REXO5: variants seen among roughly 807,000 people sequenced by gnomAD.
REXO5 encodes the protein RNA exonuclease 5.
Under a neutral mutation model 88.5 loss-of-function variants are expected in REXO5, and 48 were observed. The observed-to-expected ratio is 0.54, with a 90% CI of 0.43 to 0.69. The LOEUF is 0.69. Among genes scored for constraint, REXO5 ranks in the 30% least tolerant of loss-of-function variants. REXO5 has a pLI of 0.00. For missense variants in REXO5, 749 were observed against 912.2 expected, an observed-to-expected ratio of 0.82 and a Z score of 2.30; for synonymous variants, 311 against 336.5, an observed-to-expected ratio of 0.92 and a Z score of 0.83.
At chr16:20,846,538 C>T (rs145096092) in intron 19 of REXO5, among the ~76,000 whole-genome samples, 199 bp downstream of exon 19, 112 of 152,294 alleles carry the variant, frequency 7.4e-4, no homozygotes, top group African/African-American at 2.4e-3. Context: ...ATTTATTGGT[C>T]CCTCAAGGAG....
chr16:20,824,536 T>C lies in REXO5; in HGVS notation c.705+9T>C. 1 of 1,560,090 alleles carries C rather than the reference T, an allele frequency of 6.4e-7. No homozygotes were observed. Among genetic ancestry groups the C allele is most frequent in the Non-Finnish European group, 8.8e-7 (1 of 1,132,038 alleles). On this transcript the variant is annotated intron_variant, in intron 7 of 19. Coordinates refer to ENST00000261377, the MANE Select transcript of REXO5 (RefSeq NM_030941.3). ...GACTTGACTGTGAAATGGCACGTAC[T>C]ACTTTTAATTTTTCAATTGGAGTGT...
At chr16:20,809,111 T>C (rs1320272384) in intron 2 of REXO5, among the ~76,000 whole-genome samples, 1 of 152,170 alleles carries the variant, frequency 6.6e-6, no homozygotes, top group Non-Finnish European at 1.5e-5. Context: ...GTGGTTAGTG[T>C]AAGGAGATTG....
chr16:20,820,216 T>G (rs1364020818), intron 5 of REXO5, among the ~76,000 whole-genome samples: 1 of 152,162 alleles, frequency 6.6e-6, no homozygotes, highest in Non-Finnish European at 1.5e-5. Flanking sequence ...TATGCTCATC[T>G]CTTGCACAGA....
intron 14 of REXO5, 195 bp downstream of exon 14, chr16:20,840,054 TC>T (rs1473089606): frequency 1.8e-6 from 1 of 555,540 alleles, no homozygotes; most frequent in African/African-American, 1.9e-5. Context: ...CTTTATTTTT[TC>T]ATTTAACAGT....
chr16:20,834,135 A>G (rs1180638258), intron 13 of REXO5, among the ~76,000 whole-genome samples: 1 of 152,088 alleles, frequency 6.6e-6, no homozygotes, highest in Non-Finnish European at 1.5e-5. Context: ...GTGTTTGCTC[A>G]TGATTAAATT....
chr16:20,806,553 G>A lies in REXO5; in HGVS notation c.-155G>A. On this transcript the variant is annotated 5_prime_UTR_variant, in exon 1 of 20. Transcript: ENST00000261377. ...TTGTTGGCAGCTGTGGCTAAGGAGG[G>A]GAGAACCTCTGCTCCCCGCCCGTCT... 1.3e-6 allele frequency: 2 copies of A among 1,507,548 alleles called. No individual in the cohort carries two copies. The highest frequency in any genetic ancestry group is 1.8e-6 in the Non-Finnish European group (2 of 1,128,578). 93.4% of individuals were successfully genotyped at this position (1,507,548 alleles called of 1,614,324 possible). A position where few individuals can be genotyped will look rare whatever the true frequency, so the allele number is the denominator to read the frequency against.
At position 20,843,944 on chromosome 16, in the gene REXO5, G is replaced by T. The variant is rs1238053415; in HGVS notation, c.1637G>T (p.Cys546Phe). The change falls in exon 16 of 20, where the codon TGT becomes TTT. Residue 546 changes from cysteine to phenylalanine, a missense_variant. Transcript: ENST00000261377. ...TTGGTCTTTCTGCAGCCTCATCTCTGTATACAGTATGAAGTCCTAGAAGCT... is the reference window on the plus strand; with the variant it reads ...TTGGTCTTTCTGCAGCCTCATCTCTTTATACAGTATGAAGTCCTAGAAGCT... ...FVLETRQPHL[C>F]IQYEVLEAAQ... is the part of the protein sequence containing the mutation. 6.2e-7 allele frequency: 1 copy of T among 1,604,134 alleles called. No individual in the cohort carries two copies. The highest frequency in any genetic ancestry group is 1.1e-5 in the South Asian group (1 of 90,868).
chr16:20,832,858 A>T, intron 12 of REXO5, 145 bp from the exon 13 acceptor site: 1 of 585,770 alleles, frequency 1.7e-6, no homozygotes. Context: ...CAGTTGAGGA[A>T]CTGAATTTTT....
At chr16:20,843,155 CT>C (rs1181653806) in intron 15 of REXO5, among the ~76,000 whole-genome samples, 2 of 152,084 alleles carry the variant, frequency 1.3e-5, no homozygotes, top group African/African-American at 4.8e-5. Flanking sequence ...CTTGTTTGCC[CT>C]TTTTTTCTTA....
At chr16:20,818,695 G>A (rs942892965) in intron 5 of REXO5, among the ~76,000 whole-genome samples, 2 of 152,144 alleles carry the variant, frequency 1.3e-5, no homozygotes, top group Non-Finnish European at 2.9e-5. Flanking sequence ...GGTATTGAAC[G>A]CTTGGCCTCA....
chr16:20,806,806 G>A, intron 1 of REXO5, 101 bp downstream of exon 1: 8 of 1,291,046 alleles, frequency 6.2e-6, no homozygotes, highest in South Asian at 1.6e-5. Flanking sequence ...TTAGGGGAAC[G>A]GGGATAGTTC....
At chr16:20,807,738 T>TA (rs56126602) in intron 2 of REXO5, among the ~76,000 whole-genome samples, 61,544 of 141,790 alleles carry the variant, frequency 0.43, 15,169 homozygotes, top group Non-Finnish European at 0.58. Context: ...CCCCATCTCT[T>TA]AAAAAAAAAA....
intron 19 of REXO5, among the ~76,000 whole-genome samples, chr16:20,846,795 G>A (rs2081613650): frequency 6.6e-6 from 1 of 152,198 alleles, no homozygotes; most frequent in Non-Finnish European, 1.5e-5. Context: ...ACTGGAGCAG[G>A]ACTTTGAGTC....
intron 11 of REXO5, 109 bp from the exon 12 acceptor site, chr16:20,832,047 A>G: frequency 1.4e-6 from 1 of 701,634 alleles, no homozygotes; most frequent in African/African-American, 1.8e-5. Flanking sequence ...AGAGAACATT[A>G]TTCAAGTGGA....
intron 2 of REXO5, among the ~76,000 whole-genome samples, chr16:20,808,237 G>T (rs1484118294): frequency 1.3e-5 from 2 of 152,138 alleles, no homozygotes; most frequent in Non-Finnish European, 2.9e-5. Context: ...GCTGCAATAG[G>T]GGAATAAAAA....
rs1031856182 is a variant in REXO5 at position 20,845,206 on chromosome 16, G to A, written c.2089G>A (p.Val697Ile). 1.9e-6 allele frequency: 3 copies of A among 1,613,654 alleles called. No individual in the cohort carries two copies. The highest frequency in any genetic ancestry group is 2.2e-5 in the South Asian group (2 of 90,956). Residue 697 changes from valine to isoleucine, a missense_variant, in exon 18 of 20, where the codon GTT (valine) becomes ATT (isoleucine). Val to Ile is a conservative substitution (Grantham distance 29). Coordinates refer to ENST00000261377, the MANE Select transcript of REXO5 (RefSeq NM_030941.3). ...PESTRLPGLRVVPPPFEQEAL... is the reference protein window; with the variant it reads ...PESTRLPGLRIVPPPFEQEAL... ...ATCAACAAGGCTCCCAGGGCTTCGT[G>A]TTGTACCTCCCCCCTTTGAACAGGA... is the stretch of plus-strand genomic sequence containing the variant.
Position 20,807,021 on chromosome 16 carries a change from A to G in REXO5, c.68A>G (p.Asn23Ser), listed in dbSNP as rs1017679216. Reference protein sequence around the residue: ...RKVRESRQAPNKLVGAAEAMK... With the variant: ...RKVRESRQAPSKLVGAAEAMK... Reference sequence around the variant, plus strand: ...GTCAGGGAAAGCAGGCAGGCCCCAAATAAGCTGGTCGGGGCAGCTGAGGCG... The same window carrying G: ...GTCAGGGAAAGCAGGCAGGCCCCAAGTAAGCTGGTCGGGGCAGCTGAGGCG... Residue 23 changes from asparagine (N) to serine (S), a missense_variant, in exon 2 of 20, where the codon AAT becomes AGT. By Grantham distance (46) the Asn-to-Ser change is conservative (BLOSUM62 1). Coordinates refer to ENST00000261377, the MANE Select transcript of REXO5 (RefSeq NM_030941.3). The G allele has an allele frequency of 6.9e-6, 11 of 1,603,202 alleles. No homozygotes were observed. Among genetic ancestry groups the G allele is most frequent in the Non-Finnish European group, 9.4e-6 (11 of 1,175,376 alleles).
At chr16:20,817,560 G>A (rs1291426496) in intron 5 of REXO5, among the ~76,000 whole-genome samples, 1 of 152,096 alleles carries the variant, frequency 6.6e-6, no homozygotes, top group Non-Finnish European at 1.5e-5. Context: ...TTTATATTCT[G>A]TACCAGCCAC....
At chr16:20,818,744 T>C (rs1422194562) in intron 5 of REXO5, among the ~76,000 whole-genome samples, 1 of 152,248 alleles carries the variant, frequency 6.6e-6, no homozygotes, top group Non-Finnish European at 1.5e-5. Flanking sequence ...ATGCTGAAAG[T>C]ACAGGCGTGA....
Sources: gnomAD v4.1 joint callset for allele counts (sites outside exome capture counted in the v4.1 genomes callset) on GRCh38, gnomAD v4.1.1 for gene constraint, MANE v1.5 for transcripts, NCBI Gene and HGNC (gene_info 2026-07-23, HGNC 2026-07-21) for gene names.